Variants in FRS2 observed in about 807,000 individuals in gnomAD.
The protein encoded by FRS2 is fibroblast growth factor receptor substrate 2, also known as FGFR signalling adaptor.
A neutral mutation model predicts 43.9 loss-of-function variants in FRS2; 8 were observed. The ratio of observed to expected loss-of-function variants is 0.18; its 90% CI spans 0.11 to 0.33. The LOEUF is 0.33. Among genes scored for constraint, FRS2 ranks in the 10% least tolerant of loss-of-function variants. The probability of loss-of-function intolerance (pLI) is 1.00; values close to 1 mark genes in which losing one functional copy is unlikely to be tolerated. For missense variants in FRS2, 534 were observed against 627.6 expected, an observed-to-expected ratio of 0.85 and a Z score of 1.59; for synonymous variants, 219 against 220.3, an observed-to-expected ratio of 0.99 and a Z score of 0.05.
In FRS2 at chr12:69,579,582, C is replaced by CT. The variant is rs1881420594; in HGVS notation, c.*4628dup. The CT allele has an allele frequency of 6.6e-6, 1 of 152,348 alleles. No individual in the cohort carries two copies. Among genetic ancestry groups the CT allele is most frequent in the Admixed American group, 6.5e-5 (1 of 15,270 alleles). 9.4% of individuals were successfully genotyped at this position (152,348 alleles called of 1,614,324 possible). A position where few individuals can be genotyped will look rare whatever the true frequency, so the allele number is the denominator to read the frequency against. ...TGACTTTGGATTTTGCAATGCCTTA[C>CT]TGTTGTCATTCTAGCATAAATATCC... On this transcript the variant is annotated 3_prime_UTR_variant, in exon 9 of 9. Transcript: ENST00000549921.
intron 1 of FRS2, among the ~76,000 whole-genome samples, chr12:69,476,828 T>A (rs1416706239): frequency 1.3e-5 from 2 of 152,134 alleles, no homozygotes; most frequent in Admixed American, 6.6e-5. Context: ...GCTTAACATT[T>A]GTTTCTTTTG....
intron 1 of FRS2, among the ~76,000 whole-genome samples, chr12:69,529,926 A>G (rs1018599075): frequency 4.6e-5 from 7 of 151,972 alleles, no homozygotes; most frequent in Admixed American, 3.9e-4. Context: ...CAGGTGTGGT[A>G]GAGCACGCCT....
chr12:69,476,948 C>T (rs1422581144), intron 1 of FRS2, among the ~76,000 whole-genome samples: 1 of 151,988 alleles, frequency 6.6e-6, no homozygotes, highest in African/African-American at 2.4e-5. Flanking sequence ...AGCTTGGACC[C>T]TCTGTTAATT....
intron 1 of FRS2, among the ~76,000 whole-genome samples, chr12:69,518,318 C>G (rs1875264687): frequency 2.0e-5 from 3 of 152,192 alleles, no homozygotes. Context: ...TCTCTATATC[C>G]TGTACACTCC....
chr12:69,531,515 G>T (rs771404836), intron 2 of FRS2, among the ~76,000 whole-genome samples: 5 of 151,988 alleles, frequency 3.3e-5, no homozygotes, highest in Non-Finnish European at 5.9e-5. Context: ...TTCTTCCTAG[G>T]ATTAAAAGTA....
At chr12:69,519,896 A>C (rs1173639542) in intron 1 of FRS2, among the ~76,000 whole-genome samples, 1 of 152,222 alleles carries the variant, frequency 6.6e-6, no homozygotes, top group Non-Finnish European at 1.5e-5. Flanking sequence ...TTATGACAGA[A>C]CGATTTATAT....
chr12:69,498,365 T>C (rs1013113801), intron 1 of FRS2, among the ~76,000 whole-genome samples: 6 of 152,204 alleles, frequency 3.9e-5, no homozygotes, highest in Admixed American at 3.9e-4. Flanking sequence ...TTTCAAAGTC[T>C]ACAAGTTTTG....
At chr12:69,522,798 CATT>C (rs1875820381) in intron 1 of FRS2, among the ~76,000 whole-genome samples, 1 of 152,220 alleles carries the variant, frequency 6.6e-6, no homozygotes, top group African/African-American at 2.4e-5. Context: ...TCTTTGTACT[CATT>C]AGTTTCAAAT....
intron 1 of FRS2, among the ~76,000 whole-genome samples, chr12:69,518,439 GGCTCA>G (rs1875282091): frequency 6.6e-6 from 1 of 152,086 alleles, no homozygotes; most frequent in Non-Finnish European, 1.5e-5. Flanking sequence ...TTGGCCAGGG[GGCTCA>G]CGCCTGTAAT....
chr12:69,521,150 T>TG (rs1592981297), intron 1 of FRS2, among the ~76,000 whole-genome samples: 1 of 152,208 alleles, frequency 6.6e-6, no homozygotes, highest in East Asian at 1.9e-4. Context: ...AGGTATTTTT[T>TG]TTGTGTGTGT....
chr12:69,526,563 CAT>C (rs1354721477), intron 1 of FRS2, among the ~76,000 whole-genome samples: 19 of 152,068 alleles, frequency 1.2e-4, no homozygotes, highest in African/African-American at 4.1e-4. Context: ...ATGTGTTCCA[CAT>C]GAGAGGATTT....
At chr12:69,529,570 G>A (rs559355257) in intron 1 of FRS2, among the ~76,000 whole-genome samples, 67 of 151,854 alleles carry the variant, frequency 4.4e-4, no homozygotes, top group African/African-American at 1.6e-3. Context: ...GCAGTGAGCC[G>A]AGATTGTATC....
rs566515 is a variant in FRS2 at position 69,545,768 on chromosome 12, A to C, written c.-122+13712A>C. On this transcript the variant is annotated intron_variant, in intron 3 of 8. Coordinates refer to ENST00000549921, the MANE Select transcript of FRS2 (RefSeq NM_001278356.2). ...GAGACCCTGTCTCAAAAAAAAAAAA[A>C]AAAAAAAAAACAAAAACAAAAACCC... Among the ~76,000 whole-genome samples, 166 of 143,246 alleles carry C rather than the reference A, an allele frequency of 1.2e-3. 2 individuals carry two copies. In the East Asian group the frequency reaches 0.026, roughly 22 times the overall value. The allele number at this position is 143,246 out of a possible 152,430, so 94.0% of individuals were successfully genotyped here. A position where few individuals can be genotyped will look rare whatever the true frequency, so the allele number is the denominator to read the frequency against.
intron 3 of FRS2, among the ~76,000 whole-genome samples, chr12:69,551,740 T>TGATG (rs1878888533): frequency 6.6e-6 from 1 of 151,964 alleles, no homozygotes; most frequent in African/African-American, 2.4e-5. Context: ...ATCACATCAG[T>TGATG]CGTGGATGCT....
At chr12:69,534,385 A>C (rs998608694) in intron 3 of FRS2, among the ~76,000 whole-genome samples, 1 of 152,240 alleles carries the variant, frequency 6.6e-6, no homozygotes, top group East Asian at 1.9e-4. Context: ...AACAAAATTC[A>C]GAATAGGTTG....
intron 1 of FRS2, among the ~76,000 whole-genome samples, chr12:69,503,756 G>A (rs573034149): frequency 5.8e-4 from 88 of 152,300 alleles, no homozygotes; most frequent in Admixed American, 4.7e-3. Flanking sequence ...GGGAATGATG[G>A]CTTGGAGAAG....
intron 1 of FRS2, among the ~76,000 whole-genome samples, chr12:69,503,079 C>G (rs1203098241): frequency 6.6e-6 from 1 of 152,176 alleles, no homozygotes; most frequent in East Asian, 1.9e-4. Flanking sequence ...GATTTCTTGT[C>G]TATAGGCTCT....
At chr12:69,547,575 T>C (rs980277325) in intron 3 of FRS2, among the ~76,000 whole-genome samples, 2 of 152,188 alleles carry the variant, frequency 1.3e-5, no homozygotes, top group Admixed American at 6.5e-5. Flanking sequence ...TTCATAGAAA[T>C]AAATATAAAT....
intron 1 of FRS2, among the ~76,000 whole-genome samples, chr12:69,493,846 A>G (rs1872664350): frequency 1.3e-5 from 2 of 152,244 alleles, no homozygotes; most frequent in South Asian, 4.1e-4. Flanking sequence ...TACTAGCTGC[A>G]TATACATAGG....
Sources: gnomAD v4.1 joint callset for allele counts (sites outside exome capture counted in the v4.1 genomes callset) on GRCh38, gnomAD v4.1.1 for gene constraint, MANE v1.5 for transcripts, NCBI Gene and HGNC (gene_info 2026-07-23, HGNC 2026-07-21) for gene names.